MACF1: variants seen among roughly 807,000 people sequenced by gnomAD.
MACF1 encodes microtubule actin crosslinking factor 1, also known as microtubule-actin cross-linking factor 1.
A neutral mutation model predicts 854.8 loss-of-function variants in MACF1; 193 were observed. The ratio of observed to expected loss-of-function variants is 0.23; its 90% CI spans 0.20 to 0.25. MACF1 has a LOEUF of 0.25. Among genes scored for constraint, MACF1 ranks in the 10% least tolerant of loss-of-function variants. The pLI is 1.00. For synonymous variants in MACF1, 3,185 were observed against 3,226.7 expected (o/e 0.99, Z 0.44); for missense variants, 7,722 against 8,929.1 (o/e 0.86, Z 5.45).
At chr1:39,485,482 G>A (rs961285446) in intron 100 of MACF1, 56 bp from the exon 101 acceptor site, 3 of 1,509,910 alleles carry the variant, frequency 2.0e-6, no homozygotes, top group Admixed American at 4.1e-5. Context: ...CTGCTCACTT[G>A]TTCTTCCACC....
chr1:39,189,827 C>T (rs1644222268), intron 2 of MACF1, among the ~76,000 whole-genome samples: 1 of 152,178 alleles, frequency 6.6e-6, no homozygotes, highest in Non-Finnish European at 1.5e-5. Context: ...ATACATATTT[C>T]TCCAGTTAGA....
Position 39,323,835 on chromosome 1 carries a change from GTCTCT to G in MACF1, c.4237-349_4237-345del, listed in dbSNP as rs752629292. Among the ~76,000 whole-genome samples the G allele has an allele frequency of 3.1e-4, 47 of 152,176 alleles. 1 individual carries two copies. Among genetic ancestry groups the G allele is most frequent in the Admixed American group, 2.0e-4 (3 of 15,272 alleles). The stretch of plus-strand genomic sequence containing the variant: ...CATAATGTAATCTCAGTAGGCTTCA[GTCTCT>G]TCTCTTCTTACAGATTCACCTGTAA... On this transcript the variant is annotated intron_variant, in intron 33 of 100. Coordinates refer to ENST00000564288, the MANE Select transcript of MACF1 (RefSeq NM_001394062.1).
At position 39,340,588 on chromosome 1, in the gene MACF1, A is replaced by G; in HGVS notation, c.10302A>G (p.Gln3434=). ...CVNQIIISQP[Q]EVPAQLLKAL... ...ATCAGATTATCATCAGCCAGCCTCA[A>G]GAAGTTCCTGCTCAACTGTTGAAGG... The change falls in exon 39 of 101, where the codon CAA becomes CAG. Residue 3434 remains glutamine (Q), a synonymous_variant. Coordinates refer to ENST00000564288, the MANE Select transcript of MACF1 (RefSeq NM_001394062.1). 1 of 1,614,230 alleles carries G rather than the reference A, an allele frequency of 6.2e-7. No individual in the cohort carries two copies. The highest frequency in any genetic ancestry group is 8.5e-7 in the Non-Finnish European group (1 of 1,180,042).
intron 2 of MACF1, among the ~76,000 whole-genome samples, chr1:39,094,134 T>TTC: frequency 6.6e-6 from 1 of 152,224 alleles, no homozygotes. Context: ...TTACCTGTGC[T>TTC]TCTGACTGAC....
intron 58 of MACF1, chr1:39,414,187 A>G: frequency 1.9e-6 from 3 of 1,610,612 alleles, no homozygotes; most frequent in Non-Finnish European, 2.5e-6. Context: ...GGTGGCTGCC[A>G]TCCCTGCTGC....
chr1:39,114,143 C>T (rs545469353), intron 2 of MACF1, among the ~76,000 whole-genome samples: 2 of 151,020 alleles, frequency 1.3e-5, no homozygotes, highest in Non-Finnish European at 1.5e-5. Flanking sequence ...ACCCAACAAC[C>T]ACAGAAAGCA....
chr1:39,100,578 G>A (rs1642044226), intron 2 of MACF1, among the ~76,000 whole-genome samples: 1 of 152,204 alleles, frequency 6.6e-6, no homozygotes, highest in African/African-American at 2.4e-5. Context: ...TTTAGGCCGG[G>A]TGCGGTGGCT....
intron 2 of MACF1, among the ~76,000 whole-genome samples, chr1:39,194,351 CTTT>C (rs749853544): frequency 5.6e-5 from 2 of 35,542 alleles, no homozygotes; most frequent in Non-Finnish European, 1.0e-4. Context: ...CTTTTCTTTT[CTTT>C]TTTTTTTTTT....
chr1:39,465,097 C>T lies in MACF1; in HGVS notation c.21756C>T (p.Phe7252=), dbSNP rs1644637704. The change falls in exon 95 of 101, where the codon TTC becomes TTT. Residue 7252 remains phenylalanine, a splice_region_variant and synonymous_variant. Coordinates refer to ENST00000564288, the MANE Select transcript of MACF1 (RefSeq NM_001394062.1). Reference sequence around the variant, plus strand: ...CCTTTACTCTTTACTGTCTATAGTTCTTCCTCGGCAATCAGGTACAGTGTG... The same window carrying T: ...CCTTTACTCTTTACTGTCTATAGTTTTTCCTCGGCAATCAGGTACAGTGTG... The part of the protein sequence containing the change: ...VEQIGENKYR[F]FLGNQFGDSQ... 1 of 1,612,082 alleles carries T rather than the reference C, an allele frequency of 6.2e-7. No individual in the cohort carries two copies. Among genetic ancestry groups the T allele is most frequent in the Non-Finnish European group, 8.5e-7 (1 of 1,178,964 alleles).
intron 1 of MACF1, among the ~76,000 whole-genome samples, chr1:39,222,346 A>G (rs1026862115): frequency 3.3e-5 from 5 of 151,864 alleles, no homozygotes; most frequent in African/African-American, 1.2e-4. Flanking sequence ...GCTGGTCTTG[A>G]ACTCCTGAGC....
Position 39,387,597 on chromosome 1 carries a change from A to G in MACF1, c.14755A>G (p.Ile4919Val). The G allele has an allele frequency of 6.2e-7, 1 of 1,614,202 alleles. No individual in the cohort carries two copies. Among genetic ancestry groups the G allele is most frequent in the East Asian group, 2.2e-5 (1 of 44,884 alleles). ...GCATGTGGAAGACCTTGTGCCATGG[A>G]TAGAAGATTGTAAAGCTAAGATGTC... Reference protein sequence around the residue: ...QWHVEDLVPWIEDCKAKMSEL... With the variant: ...QWHVEDLVPWVEDCKAKMSEL... The change falls in exon 58 of 101, where the codon ATA (isoleucine) becomes GTA (valine). Residue 4919 changes from isoleucine (I) to valine (V), a missense_variant. Coordinates refer to ENST00000564288, the MANE Select transcript of MACF1 (RefSeq NM_001394062.1).
Position 39,333,480 on chromosome 1 carries a change from T to C in MACF1, c.6892T>C (p.Phe2298Leu). 10 of 1,614,194 alleles carry C rather than the reference T, an allele frequency of 6.2e-6. No homozygotes were observed. The highest frequency in any genetic ancestry group is 8.5e-6 in the Non-Finnish European group (10 of 1,180,040). ...LSAQLLDGGI[F>L]HEQTGQKLLL... ...TGCACAGTTACTAGATGGTGGTATC[T>C]TTCATGAACAAACAGGTCAAAAGCT... The change falls in exon 37 of 101, where the codon TTT (phenylalanine) becomes CTT (leucine). Residue 2298 changes from phenylalanine (F) to leucine (L), a missense_variant. By Grantham distance (22) the Phe-to-Leu change is conservative. Coordinates refer to ENST00000564288, the MANE Select transcript of MACF1 (RefSeq NM_001394062.1).
intron 21 of MACF1, 38 bp from the exon 22 acceptor site, chr1:39,300,172 A>T: frequency 6.2e-7 from 1 of 1,604,742 alleles, no homozygotes; most frequent in Non-Finnish European, 8.5e-7. Flanking sequence ...CCTGAGTAGC[A>T]GCATTAATGT....
At chr1:39,411,926 T>C in intron 58 of MACF1, 1 of 1,613,994 alleles carries the variant, frequency 6.2e-7, no homozygotes, top group Non-Finnish European at 8.5e-7. Flanking sequence ...GCTGTGGAAC[T>C]TATTGCCCAC....
At chr1:39,477,075 A>ATATACACTTTGTG (rs1557675014) in intron 97 of MACF1, among the ~76,000 whole-genome samples, 1 of 51,308 alleles carries the variant, frequency 1.9e-5, no homozygotes, top group South Asian at 5.8e-4. Context: ...ATATATATAT[A>ATATACACTTTGTG]TATATATATA....
intron 2 of MACF1, among the ~76,000 whole-genome samples, chr1:39,153,014 T>C (rs1643615008): frequency 6.6e-6 from 1 of 152,208 alleles, no homozygotes; most frequent in Admixed American, 6.5e-5. Flanking sequence ...GATCTTTAGC[T>C]GACTTAGTGG....
At chr1:39,412,250 A>G in intron 58 of MACF1, 1 of 1,613,996 alleles carries the variant, frequency 6.2e-7, no homozygotes, top group Non-Finnish European at 8.5e-7. Flanking sequence ...GAACTAACAG[A>G]TGTTACCTCA....
At chr1:39,355,459 G>GTTT (rs1647462356) in intron 44 of MACF1, among the ~76,000 whole-genome samples, 1 of 120,000 alleles carries the variant, frequency 8.3e-6, no homozygotes. Context: ...TTTTTCTTCT[G>GTTT]CTTTTTTTTT....
At chr1:39,477,662 G>C (rs1322989695) in intron 97 of MACF1, among the ~76,000 whole-genome samples, 1 of 152,128 alleles carries the variant, frequency 6.6e-6, no homozygotes, top group Non-Finnish European at 1.5e-5. Context: ...GTGATGGAGA[G>C]AGCTAGGCTG....
Sources: gnomAD v4.1 joint callset for allele counts (sites outside exome capture counted in the v4.1 genomes callset) on GRCh38, gnomAD v4.1.1 for gene constraint, MANE v1.5 for transcripts, NCBI Gene and HGNC (gene_info 2026-07-23, HGNC 2026-07-21) for gene names.